The following TOP1 variants were observed in gnomAD, a reference collection of about 807,000 sequenced individuals.
TOP1 encodes the protein DNA topoisomerase 1.
TOP1 carries 10 observed loss-of-function variants against 111.1 expected under a neutral mutation model. That is an observed-to-expected ratio of 0.09 (90% CI 0.06 to 0.15). The LOEUF (loss-of-function observed/expected upper bound fraction) is 0.15, where lower values mean the gene tolerates loss of function less well. TOP1 is among the 10% of genes least tolerant of loss of function. The pLI, the probability that TOP1 is intolerant of heterozygous loss-of-function variation, is 1.00. For missense variants in TOP1, 474 were observed against 926.7 expected (o/e 0.51, Z 6.34); for synonymous variants, 271 against 302.9 (o/e 0.89, Z 1.10).
chr20:41,077,204 G>A (rs1357339551), intron 4 of TOP1, among the ~76,000 whole-genome samples: 1 of 152,186 alleles, frequency 6.6e-6, no homozygotes, highest in African/African-American at 2.4e-5. Flanking sequence ...ACAGGCATGA[G>A]CCATCACATC....
Position 41,122,067 on chromosome 20 carries a change from G to T in TOP1, c.2107G>T (p.Val703Phe), listed in dbSNP as rs1447914763. 4 of 1,614,168 alleles carry T rather than the reference G, an allele frequency of 2.5e-6. No individual in the cohort carries two copies. The Admixed American group carries it at 5.0e-5, about 20-fold the overall frequency. Residue 703 changes from valine (V) to phenylalanine (F), a missense_variant, in exon 20 of 21, where the codon GTT (valine) becomes TTT (phenylalanine). Coordinates refer to ENST00000361337, the MANE Select transcript of TOP1 (RefSeq NM_003286.4). This position sits in a 1 kb window ranked among gnomAD's most constrained non-coding sequence, Gnocchi z 5.4. ...RLEEQLMKLE[V>F]QATDREENKQ... Reference sequence around the variant, plus strand: ...GGAGGAACAGTTGATGAAGCTGGAAGTTCAAGCCACAGACCGAGAGGAAAA... The same window carrying T: ...GGAGGAACAGTTGATGAAGCTGGAATTTCAAGCCACAGACCGAGAGGAAAA...
Position 41,032,104 on chromosome 20 carries a change from C to T in TOP1, c.58+2649C>T, listed in dbSNP as rs577285989. 2.6e-5 allele frequency among the ~76,000 whole-genome samples: 4 copies of T among 152,166 alleles called. No homozygotes were observed. The East Asian group carries it at 5.8e-4, about 22-fold the overall frequency. ...TATGCCCAGACATGTCATTATTGAA[C>T]TTTGTATTAAGAGATTGTTTAAGCG... On this transcript the variant is annotated intron_variant, in intron 2 of 20. Transcript: ENST00000361337. This position sits in a 1 kb window ranked among gnomAD's most constrained non-coding sequence, Gnocchi z 4.3.
rs903798551 is a variant in TOP1, at chr20:41,080,390, A to G, written c.431+210A>G. 6.6e-6 allele frequency among the ~76,000 whole-genome samples: 1 copy of G among 152,226 alleles called. No homozygotes were observed. The highest frequency in any genetic ancestry group is 1.5e-5 in the Non-Finnish European group (1 of 68,024). On this transcript the variant is annotated intron_variant, in intron 6 of 20. Transcript: ENST00000361337. The surrounding 1 kb of genome is among the most constrained non-coding windows in gnomAD (Gnocchi z 5.0). ...TACCCAAGGCTTACATGAAGATTAT[A>G]TAAATTTTTATTACTGAAAAGGCAA...
At chr20:41,047,339 A>G (rs1221151152) in intron 2 of TOP1, among the ~76,000 whole-genome samples, 3 of 152,214 alleles carry the variant, frequency 2.0e-5, no homozygotes, top group East Asian at 3.8e-4. Context: ...GTTCAGATAC[A>G]CAAATACTTA....
rs1600604728 is a variant in TOP1 at position 41,118,068 on chromosome 20, C to T, written c.1823-101C>T. 2 of 1,328,102 alleles carry T rather than the reference C, an allele frequency of 1.5e-6. No homozygotes were observed. The highest frequency in any genetic ancestry group is 3.2e-5 in the South Asian group (2 of 63,132). The allele number at this position is 1,328,102 out of a possible 1,614,324, so 82.3% of individuals were successfully genotyped here. A position where few individuals can be genotyped will look rare whatever the true frequency, so the allele number is the denominator to read the frequency against. On this transcript the variant is annotated intron_variant, in intron 17 of 20. Coordinates refer to ENST00000361337, the MANE Select transcript of TOP1 (RefSeq NM_003286.4). The surrounding 1 kb of genome is among the most constrained non-coding windows in gnomAD (Gnocchi z 4.6). Reference sequence around the variant, plus strand: ...ATTAATCATCTGAGTAAGATAAGAGCCAGCAAAATCATGGGGACGAGGCAC... The same window carrying T: ...ATTAATCATCTGAGTAAGATAAGAGTCAGCAAAATCATGGGGACGAGGCAC...
chr20:41,121,840 G>C lies in TOP1; in HGVS notation c.2045+50G>C. ...TGGGGCTGGTAGAGAAAAGTGTGCA[G>C]CATCTGTCAGGGCCCCTGGGGCCCT... is the stretch of plus-strand genomic sequence containing the variant. On this transcript the variant is annotated intron_variant, in intron 19 of 20. Coordinates refer to ENST00000361337, the MANE Select transcript of TOP1 (RefSeq NM_003286.4). The surrounding 1 kb of genome is among the most constrained non-coding windows in gnomAD (Gnocchi z 4.2). 6.3e-7 allele frequency: 1 copy of C among 1,585,546 alleles called. No homozygotes were observed. The highest frequency in any genetic ancestry group is 1.7e-5 in the Admixed American group (1 of 59,970).
chr20:41,119,667 G>T (rs1337731054), intron 18 of TOP1, among the ~76,000 whole-genome samples: 2 of 152,124 alleles, frequency 1.3e-5, no homozygotes, highest in South Asian at 4.1e-4. Flanking sequence ...GGTTCAAAAG[G>T]TACACACAAC....
In TOP1 at chr20:41,079,995, C is replaced by T; in HGVS notation, c.336-90C>T. ...ACGTGGTTATCCTTATTTCTGTTAG[C>T]TTCTTTTCAACGAAATGACATATTC... On this transcript the variant is annotated intron_variant, in intron 5 of 20. Coordinates refer to ENST00000361337, the MANE Select transcript of TOP1 (RefSeq NM_003286.4). The surrounding 1 kb of genome is among the most constrained non-coding windows in gnomAD (Gnocchi z 4.0). The T allele has an allele frequency of 1.2e-6, 1 of 809,482 alleles. No individual in the cohort carries two copies. Among genetic ancestry groups the T allele is most frequent in the African/African-American group, 1.7e-5 (1 of 57,796 alleles). 50.1% of individuals were successfully genotyped at this position (809,482 alleles called of 1,614,324 possible). A position where few individuals can be genotyped will look rare whatever the true frequency, so the allele number is the denominator to read the frequency against.
chr20:41,029,596 C>T lies in TOP1; in HGVS notation c.58+141C>T. ...CCTCGCTCACCGGCCCCATTGTTCC[C>T]ATCGGGCCGCCTCTTGACCCCCTTT... On this transcript the variant is annotated intron_variant, in intron 2 of 20. Coordinates refer to ENST00000361337, the MANE Select transcript of TOP1 (RefSeq NM_003286.4). This position sits in a 1 kb window ranked among gnomAD's most constrained non-coding sequence, Gnocchi z 6.1. The T allele has an allele frequency of 9.6e-6, 7 of 726,392 alleles. No homozygotes were observed. The highest frequency in any genetic ancestry group is 4.6e-5 in the South Asian group (3 of 65,362). The allele number at this position is 726,392 out of a possible 1,614,324, so 45.0% of individuals were successfully genotyped here.
intron 13 of TOP1, among the ~76,000 whole-genome samples, chr20:41,105,352 GT>G (rs1369093369): frequency 2.0e-5 from 3 of 152,300 alleles, no homozygotes; most frequent in African/African-American, 7.2e-5. Flanking sequence ...AATTAGGTAT[GT>G]TACTGGGATC....
At chr20:41,076,480 C>T (rs1161436421) in intron 4 of TOP1, among the ~76,000 whole-genome samples, 186 bp downstream of exon 4, 2 of 152,216 alleles carry the variant, frequency 1.3e-5, no homozygotes, top group East Asian at 1.9e-4. Context: ...ATATGTTTCA[C>T]AGTGGCAGAT....
At chr20:41,113,341 C>A (rs978249518) in intron 14 of TOP1, among the ~76,000 whole-genome samples, 3 of 152,094 alleles carry the variant, frequency 2.0e-5, no homozygotes, top group African/African-American at 7.2e-5. Flanking sequence ...AGTTTGATTG[C>A]CCAGAGTAGC....
chr20:41,032,424 TC>T lies in TOP1; in HGVS notation c.58+2971del, dbSNP rs1412801261. 1.3e-5 allele frequency among the ~76,000 whole-genome samples: 2 copies of T among 152,248 alleles called. No homozygotes were observed. The highest frequency in any genetic ancestry group is 2.9e-5 in the Non-Finnish European group (2 of 68,054). On this transcript the variant is annotated intron_variant, in intron 2 of 20. Transcript: ENST00000361337. The surrounding 1 kb of genome is among the most constrained non-coding windows in gnomAD (Gnocchi z 4.3). ...ATATCTAAGTCTAAGTGAAAAGACT[TC>T]CTAAGTATTGGTAGAACTAACTGTA...
In TOP1 at chr20:41,115,171, A is replaced by G. The variant is rs538589918; in HGVS notation, c.1639-200A>G. ...AAACAATTATGTATATATATCTGTA[A>G]ATATACACATGGAGAGAGTGAGCAT... On this transcript the variant is annotated intron_variant, in intron 15 of 20. Transcript: ENST00000361337. This position sits in a 1 kb window ranked among gnomAD's most constrained non-coding sequence, Gnocchi z 6.3. 1.2e-4 allele frequency among the ~76,000 whole-genome samples: 18 copies of G among 152,294 alleles called. No individual in the cohort carries two copies. Among genetic ancestry groups the G allele is most frequent in the Admixed American group, 9.8e-4 (15 of 15,302 alleles).
rs2034074280 is a variant in TOP1 at position 41,102,216 on chromosome 20, ACTAAACTGTACATTTTC to A, written c.1308+864_1308+880del. ...TGAAAAGGCTATGTGAATAGGCAAG[ACTAAACTGTACATTTTC>A]TGGCTTGTAGCCCTGTGTTCTTCTG... On this transcript the variant is annotated intron_variant, in intron 13 of 20. Transcript: ENST00000361337. This position sits in a 1 kb window ranked among gnomAD's most constrained non-coding sequence, Gnocchi z 4.0. 2.0e-5 allele frequency among the ~76,000 whole-genome samples: 3 copies of A among 152,260 alleles called. No homozygotes were observed. In the South Asian group the frequency reaches 6.2e-4, roughly 31 times the overall value.
Position 41,100,085 on chromosome 20 carries a change from G to A in TOP1, c.1005G>A (p.Leu335=). Residue 335 remains leucine, a synonymous_variant, in exon 12 of 21, where the codon CTG becomes CTA. Transcript: ENST00000361337. This position sits in a 1 kb window ranked among gnomAD's most constrained non-coding sequence, Gnocchi z 4.4. The stretch of plus-strand genomic sequence containing the variant: ...TCAAAGAGGAGAATGAAAAATTACT[G>A]AAAGAATATGGATTCTGTATTATGG... The part of the protein sequence containing the change: ...LKIKEENEKL[L]KEYGFCIMDN... The A allele has an allele frequency of 6.2e-7, 1 of 1,610,258 alleles. No individual in the cohort carries two copies. The highest frequency in any genetic ancestry group is 8.5e-7 in the Non-Finnish European group (1 of 1,177,670).
In TOP1 at chr20:41,123,249, G is replaced by T. The variant is rs772337012; in HGVS notation, c.2250G>T (p.Glu750Asp). 6.2e-7 allele frequency: 1 copy of T among 1,614,062 alleles called. No homozygotes were observed. Among genetic ancestry groups the T allele is most frequent in the Non-Finnish European group, 8.5e-7 (1 of 1,180,014 alleles). ...IEKIYNKTQR[E>D]KFAWAIDMAD... ...AGATTTACAACAAAACCCAGCGGGA[G>T]AAGTTTGCCTGGGCCATTGACATGG... The change falls in exon 21 of 21, where the codon GAG becomes GAT. Residue 750 changes from glutamate to aspartate, a missense_variant. Transcript: ENST00000361337. The surrounding 1 kb of genome is among the most constrained non-coding windows in gnomAD (Gnocchi z 5.8).
rs2034367560 is a variant in TOP1, at chr20:41,118,385, A to G, written c.1950+89A>G. The G allele has an allele frequency of 6.7e-7, 1 of 1,491,498 alleles. No homozygotes were observed. The highest frequency in any genetic ancestry group is 9.2e-7 in the Non-Finnish European group (1 of 1,086,136). The allele number at this position is 1,491,498 out of a possible 1,614,324, so 92.4% of individuals were successfully genotyped here. A position where few individuals can be genotyped will look rare whatever the true frequency, so the allele number is the denominator to read the frequency against. ...TTCAGGGCTGAGATATCAGCAGGCC[A>G]GTGCTGGGTCTGTTGTAGAAGGTCT... On this transcript the variant is annotated intron_variant, in intron 18 of 20. Coordinates refer to ENST00000361337, the MANE Select transcript of TOP1 (RefSeq NM_003286.4). The surrounding 1 kb of genome is among the most constrained non-coding windows in gnomAD (Gnocchi z 4.6).
chr20:41,062,966 G>C (rs1170486117), intron 3 of TOP1, among the ~76,000 whole-genome samples: 1 of 152,048 alleles, frequency 6.6e-6, no homozygotes, highest in African/African-American at 2.4e-5. Flanking sequence ...TTTAGATTCA[G>C]TGGGTACATA....
Sources: gnomAD v4.1 joint callset for allele counts (sites outside exome capture counted in the v4.1 genomes callset) on GRCh38, gnomAD v4.1.1 for gene constraint, Gnocchi (gnomAD v3.1) non-coding constraint, MANE v1.5 for transcripts, NCBI Gene and HGNC (gene_info 2026-07-23, HGNC 2026-07-21) for gene names.